The following CMSS1 variants were observed in gnomAD, a reference collection of about 807,000 sequenced individuals.
CMSS1 encodes protein CMSS1.
A neutral mutation model predicts 43.5 loss-of-function variants in CMSS1; 33 were observed. The ratio of observed to expected loss-of-function variants is 0.76; its 90% CI spans 0.57 to 1.01. The LOEUF (loss-of-function observed/expected upper bound fraction) is 1.01. CMSS1 is among the 50% of genes least tolerant of loss of function. The pLI is 0.00. For synonymous variants in CMSS1, 115 were observed against 117.2 expected, an observed-to-expected ratio of 0.98 and a Z score of 0.12; for missense variants, 313 against 326.4, an observed-to-expected ratio of 0.96 and a Z score of 0.32.
chr3:100,021,956 TGTGTGAGA>T (rs1280201017), intron 1 of CMSS1, among the ~76,000 whole-genome samples: 357 of 94,442 alleles, frequency 3.8e-3, no homozygotes, highest in East Asian at 9.4e-3. Context: ...TGTGTGTGTG[TGTGTGAGA>T]GAGAGAGAGA....
chr3:99,853,083 T>C (rs1943784712), intron 1 of CMSS1, among the ~76,000 whole-genome samples: 1 of 152,174 alleles, frequency 6.6e-6, no homozygotes, highest in South Asian at 2.1e-4. Context: ...CATCCCTATC[T>C]GAGACACATG....
chr3:99,851,939 G>A (rs184740821), intron 1 of CMSS1, among the ~76,000 whole-genome samples: 3 of 152,304 alleles, frequency 2.0e-5, no homozygotes, highest in Middle Eastern at 3.4e-3. Flanking sequence ...CGGTTTGGTA[G>A]GAAAGTGCTT....
intron 4 of CMSS1, among the ~76,000 whole-genome samples, 191 bp downstream of exon 4, chr3:100,162,623 T>TA (rs1213479162): frequency 5.3e-5 from 8 of 151,990 alleles, no homozygotes; most frequent in African/African-American, 1.9e-4. Flanking sequence ...GCCTGGGCGA[T>TA]ACAGTGAGAC....
chr3:99,864,143 T>C (rs1347896068), intron 1 of CMSS1, among the ~76,000 whole-genome samples: 1 of 152,206 alleles, frequency 6.6e-6, no homozygotes, highest in Non-Finnish European at 1.5e-5. Context: ...AACAGTAAGA[T>C]TATTTGACTT....
intron 1 of CMSS1, among the ~76,000 whole-genome samples, chr3:99,917,992 T>G (rs547687148): frequency 4.5e-4 from 68 of 152,292 alleles, no homozygotes; most frequent in Non-Finnish European, 5.3e-4. Context: ...GTTTTGTTTT[T>G]TTTGAGACAG....
chr3:100,112,433 G>A (rs2066507389), intron 1 of CMSS1, among the ~76,000 whole-genome samples: 1 of 152,056 alleles, frequency 6.6e-6, no homozygotes. Flanking sequence ...TCATTTCAAT[G>A]GCACAATAAA....
chr3:100,090,583 T>C (rs1260896057), intron 1 of CMSS1, among the ~76,000 whole-genome samples: 2 of 152,230 alleles, frequency 1.3e-5, no homozygotes, highest in Admixed American at 1.3e-4. Flanking sequence ...GGGCTCTTTC[T>C]CTGCAACACT....
chr3:100,142,304 G>GA (rs1375718935), intron 1 of CMSS1, among the ~76,000 whole-genome samples: 3 of 151,324 alleles, frequency 2.0e-5, no homozygotes, highest in South Asian at 2.1e-4. Context: ...AAAAATATTT[G>GA]AAAAAAAATG....
intron 1 of CMSS1, among the ~76,000 whole-genome samples, chr3:100,145,911 C>T (rs1317125180): frequency 2.6e-5 from 4 of 152,248 alleles, no homozygotes; most frequent in African/African-American, 7.2e-5. Flanking sequence ...GACCAAATAT[C>T]GGGGCACCCC....
chr3:100,050,546 T>C (rs1343730049), intron 1 of CMSS1, among the ~76,000 whole-genome samples: 1 of 152,218 alleles, frequency 6.6e-6, no homozygotes, highest in African/African-American at 2.4e-5. Flanking sequence ...TATTTGTTTG[T>C]TTTGAGACAG....
At chr3:99,849,906 A>G (rs746792143) in intron 1 of CMSS1, 19 of 1,611,736 alleles carry the variant, frequency 1.2e-5, no homozygotes, top group Non-Finnish European at 1.5e-5. Context: ...ATTGAAGCCT[A>G]TTTTTCAACA....
At chr3:100,161,835 G>A (rs557734569) in intron 3 of CMSS1, among the ~76,000 whole-genome samples, 5 of 152,194 alleles carry the variant, frequency 3.3e-5, no homozygotes, top group African/African-American at 1.2e-4. Flanking sequence ...TTCTCAGTAG[G>A]CCCCTATGCT....
At chr3:100,143,289 T>G (rs1424153299) in intron 1 of CMSS1, among the ~76,000 whole-genome samples, 1 of 152,232 alleles carries the variant, frequency 6.6e-6, no homozygotes, top group African/African-American at 2.4e-5. Flanking sequence ...ATTGCACTGG[T>G]TAAAAGTTCT....
chr3:100,149,236 C>T (rs192619452), intron 2 of CMSS1, among the ~76,000 whole-genome samples: 1 of 152,196 alleles, frequency 6.6e-6, no homozygotes, highest in African/African-American at 2.4e-5. Flanking sequence ...ATAATCCTCA[C>T]GGCATCCCTA....
chr3:100,141,428 G>A (rs1239747418), intron 1 of CMSS1: 7 of 354,840 alleles, frequency 2.0e-5, no homozygotes, highest in African/African-American at 4.3e-5. Context: ...AATTCTGAGT[G>A]GAAACAGACA....
intron 1 of CMSS1, chr3:99,850,317 C>A: frequency 6.2e-7 from 1 of 1,613,254 alleles, no homozygotes; most frequent in South Asian, 1.1e-5. Flanking sequence ...GCTTTGTGGT[C>A]ATCCTTTCTT....
chr3:100,113,403 C>T (rs991508423), intron 1 of CMSS1, among the ~76,000 whole-genome samples: 1 of 152,214 alleles, frequency 6.6e-6, no homozygotes, highest in Non-Finnish European at 1.5e-5. Context: ...TGGGGTGTTA[C>T]AGAACAAGTT....
intron 1 of CMSS1, among the ~76,000 whole-genome samples, chr3:100,136,780 T>C (rs2066759749): frequency 6.6e-6 from 1 of 152,226 alleles, no homozygotes; most frequent in South Asian, 2.1e-4. Flanking sequence ...TTACAGGCCA[T>C]ATGATTATTT....
chr3:99,864,027 T>C (rs1341970458), intron 1 of CMSS1, among the ~76,000 whole-genome samples: 1 of 152,244 alleles, frequency 6.6e-6, no homozygotes, highest in Non-Finnish European at 1.5e-5. Flanking sequence ...TACAACTTCA[T>C]GCTAAAGAAA....
Sources: allele counts gnomAD v4.1 joint callset (sites outside exome capture counted in the v4.1 genomes callset), GRCh38; gene constraint gnomAD v4.1.1; transcripts MANE v1.5; gene names NCBI Gene and HGNC (gene_info 2026-07-23, HGNC 2026-07-21).